The following P4HTM variants were observed in gnomAD, a reference collection of about 807,000 sequenced individuals.
The protein encoded by P4HTM is prolyl 4-hydroxylase, transmembrane, also known as transmembrane prolyl 4-hydroxylase.
In P4HTM, 33 loss-of-function variants were observed where a neutral mutation model predicts 55.3. The observed-to-expected ratio is 0.60, with a 90% CI of 0.45 to 0.80. The LOEUF is 0.80. Among genes scored for constraint, P4HTM ranks in the 30% least tolerant of loss-of-function variants. P4HTM has a pLI of 0.00. For missense variants in P4HTM, 542 were observed against 696.5 expected (o/e 0.78, Z 2.50); for synonymous variants, 272 against 286.4 (o/e 0.95, Z 0.51).
rs374563891 is a variant in P4HTM at position 49,006,082 on chromosome 3, G to A, written c.1183G>A (p.Val395Met). The change falls in exon 8 of 9, where the codon GTG (valine) becomes ATG (methionine). Residue 395 changes from valine (V) to methionine (M), a missense_variant. Coordinates refer to ENST00000383729, the MANE Select transcript of P4HTM (RefSeq NM_177939.3). ...CCCACAGAGTCTGATTCAGGATGAC[G>A]TGGACCTCCGTGACACACGGAGGCA... ...YDEMSLIQDDVDLRDTRRHCD... is the reference protein window; with the variant it reads ...YDEMSLIQDDMDLRDTRRHCD... 11 of 1,612,576 alleles carry A rather than the reference G, an allele frequency of 6.8e-6. No homozygotes were observed. The highest frequency in any genetic ancestry group is 9.3e-6 in the Non-Finnish European group (11 of 1,179,716).
chr3:48,993,108 C>T (rs887284352), intron 2 of P4HTM, among the ~76,000 whole-genome samples: 2 of 151,926 alleles, frequency 1.3e-5, no homozygotes, highest in Non-Finnish European at 2.9e-5. Context: ...TGTTCGGGAC[C>T]AGCCTGACCA....
intron 3 of P4HTM, 131 bp downstream of exon 3, chr3:49,001,759 C>T (rs2092961925): frequency 1.3e-6 from 1 of 774,070 alleles, no homozygotes; most frequent in Non-Finnish European, 2.0e-6. Flanking sequence ...CTGGGCATGC[C>T]CAGACCCAGG....
rs750288844 is a variant in P4HTM, at chr3:48,990,524, A to C, written c.268A>C (p.Ser90Arg). ...LFVHYSNGDESSDPGPQHRAQ... is the reference protein window; with the variant it reads ...LFVHYSNGDERSDPGPQHRAQ... ...CGTGCACTACAGCAACGGCGACGAA[A>C]GCAGCGATCCCGGGCCCCAACACCG... The change falls in exon 1 of 9, where the codon AGC becomes CGC. Residue 90 changes from serine (S) to arginine (R), a missense_variant. Around this residue, in one of 2 missense-constraint regions of P4HTM, gnomAD observed 536 missense variants for 672.1 expected, o/e 0.80. Transcript: ENST00000383729. The surrounding 1 kb of genome is among the most constrained non-coding windows in gnomAD (Gnocchi z 7.2). 6.2e-7 allele frequency: 1 copy of C among 1,611,132 alleles called. No homozygotes were observed. Among genetic ancestry groups the C allele is most frequent in the Non-Finnish European group, 8.5e-7 (1 of 1,179,392 alleles).
At chr3:49,004,659 C>A in intron 5 of P4HTM, 1 of 605,354 alleles carries the variant, frequency 1.7e-6, no homozygotes, top group South Asian at 2.0e-5. Context: ...GCAGGTGTCT[C>A]TGTCTTTGGC....
rs1415141063 is a variant in P4HTM at position 49,007,022 on chromosome 3, C to G, written c.*115C>G. The G allele has an allele frequency of 1.2e-6, 1 of 850,298 alleles. No individual in the cohort carries two copies. Among genetic ancestry groups the G allele is most frequent in the Non-Finnish European group, 1.8e-6 (1 of 547,136 alleles). 52.7% of individuals were successfully genotyped at this position (850,298 alleles called of 1,614,324 possible). ...GGTCTGGCCAATGTCTTGCCCCACC[C>G]CGCCAGCCGCGATACGGCGCAGTTC... On this transcript the variant is annotated 3_prime_UTR_variant, in exon 9 of 9. Coordinates refer to ENST00000383729, the MANE Select transcript of P4HTM (RefSeq NM_177939.3). The surrounding 1 kb of genome is among the most constrained non-coding windows in gnomAD (Gnocchi z 5.1).
intron 6 of P4HTM, chr3:49,005,408 T>C: frequency 7.1e-7 from 1 of 1,401,704 alleles, no homozygotes; most frequent in Middle Eastern, 2.5e-4. Context: ...CCCTCCCCTG[T>C]CAAGCCAGTT....
At chr3:49,006,326 C>T (rs539398559) in intron 8 of P4HTM, 139 bp downstream of exon 8, 2 of 908,564 alleles carry the variant, frequency 2.2e-6, no homozygotes, top group Admixed American at 2.4e-5. Flanking sequence ...CAAAGGCCAT[C>T]CTTAGTGACT....
Position 48,990,938 on chromosome 3 carries a change from G to A in P4HTM, c.436+24G>A. The A allele has an allele frequency of 6.3e-7, 1 of 1,597,774 alleles. No homozygotes were observed. Among genetic ancestry groups the A allele is most frequent in the South Asian group, 1.1e-5 (1 of 90,450 alleles). On this transcript the variant is annotated intron_variant, in intron 2 of 8. Coordinates refer to ENST00000383729, the MANE Select transcript of P4HTM (RefSeq NM_177939.3). The surrounding 1 kb of genome is among the most constrained non-coding windows in gnomAD (Gnocchi z 7.2). ...CGGTAAGTCCGCCAGATACTCCTGG[G>A]AAGGGCCAGGGGCTGCGGTTTGGTG...
At chr3:48,996,839 T>C (rs2092947366) in intron 2 of P4HTM, among the ~76,000 whole-genome samples, 1 of 152,136 alleles carries the variant, frequency 6.6e-6, no homozygotes, top group African/African-American at 2.4e-5. Context: ...CAAGGCTATG[T>C]GCCTGCCCGG....
Position 49,004,659 on chromosome 3 carries a change from C to G in P4HTM, c.888-202C>G, listed in dbSNP as rs2092971177. ...CAACATTTCCACATAGCAGGTGTCT[C>G]TGTCTTTGGCATCTGAGGGAGAAGG... is the stretch of plus-strand genomic sequence containing the variant. On this transcript the variant is annotated intron_variant, in intron 5 of 8. Coordinates refer to ENST00000383729, the MANE Select transcript of P4HTM (RefSeq NM_177939.3). 3.3e-5 allele frequency: 20 copies of G among 605,236 alleles called. No individual in the cohort carries two copies. The South Asian group carries it at 4.0e-4, about 12-fold the overall frequency. The allele number at this position is 605,236 out of a possible 1,614,324, so 37.5% of individuals were successfully genotyped here.
In P4HTM at chr3:48,992,829, C is replaced by A. The variant is rs2092934720; in HGVS notation, c.436+1915C>A. 3.3e-5 allele frequency among the ~76,000 whole-genome samples: 5 copies of A among 151,364 alleles called. No homozygotes were observed. In the South Asian group the frequency reaches 6.2e-4, roughly 19 times the overall value. On this transcript the variant is annotated intron_variant, in intron 2 of 8. Transcript: ENST00000383729. ...TACAGGCATGCGCCACCACATCCGGCTAATTTTTTGCATTTTTAGTAGAGA... is the reference window on the plus strand; with the variant it reads ...TACAGGCATGCGCCACCACATCCGGATAATTTTTTGCATTTTTAGTAGAGA...
intron 2 of P4HTM, among the ~76,000 whole-genome samples, chr3:48,998,809 A>G (rs964313677): frequency 6.6e-6 from 1 of 152,176 alleles, no homozygotes; most frequent in African/African-American, 2.4e-5. Context: ...GGGAGAAACC[A>G]TTGTTCACAG....
rs891265446 is a variant in P4HTM at position 48,999,105 on chromosome 3, G to A, written c.437-2333G>A. On this transcript the variant is annotated intron_variant, in intron 2 of 8. Transcript: ENST00000383729. This position sits in a 1 kb window ranked among gnomAD's most constrained non-coding sequence, Gnocchi z 4.8. ...TCTGTCTGGAACACTCTAACAAAACGATCCATTTTCCTCTCTGTGCCTGTC... is the reference window on the plus strand; with the variant it reads ...TCTGTCTGGAACACTCTAACAAAACAATCCATTTTCCTCTCTGTGCCTGTC... 15 of 152,178 alleles carry A rather than the reference G, an allele frequency of 9.9e-5. No individual in the cohort carries two copies. Among genetic ancestry groups the A allele is most frequent in the African/African-American group, 3.6e-4 (15 of 41,402 alleles). 9.4% of individuals were successfully genotyped at this position (152,178 alleles called of 1,614,324 possible).
chr3:49,005,181 C>A (rs762653986), intron 6 of P4HTM, 135 bp downstream of exon 6: 5 of 1,592,454 alleles, frequency 3.1e-6, no homozygotes, highest in Admixed American at 3.4e-5. Flanking sequence ...GTTAGTGATG[C>A]CCTCACCTCT....
intron 7 of P4HTM, 58 bp downstream of exon 7, chr3:49,005,925 T>A (rs1239649401): frequency 2.0e-6 from 3 of 1,532,896 alleles, no homozygotes; most frequent in Non-Finnish European, 1.8e-6. Flanking sequence ...ACAAGTGAAG[T>A]ACACACCTCT....
Position 48,990,923 on chromosome 3 carries a change from G to T in P4HTM, c.436+9G>T, listed in dbSNP as rs753523250. The T allele has an allele frequency of 1.3e-5, 21 of 1,610,606 alleles. No individual in the cohort carries two copies. Among genetic ancestry groups the T allele is most frequent in the Middle Eastern group, 1.6e-4 (1 of 6,078 alleles). ...CAAGCCGCTGCTCTTCGGTAAGTCCGCCAGATACTCCTGGGAAGGGCCAGG... is the reference window on the plus strand; with the variant it reads ...CAAGCCGCTGCTCTTCGGTAAGTCCTCCAGATACTCCTGGGAAGGGCCAGG... On this transcript the variant is annotated intron_variant, in intron 2 of 8. Transcript: ENST00000383729. The surrounding 1 kb of genome is among the most constrained non-coding windows in gnomAD (Gnocchi z 7.2).
intron 2 of P4HTM, among the ~76,000 whole-genome samples, chr3:48,994,193 GTCTGCTA>G (rs1293104686): frequency 6.6e-6 from 1 of 152,190 alleles, no homozygotes; most frequent in African/African-American, 2.4e-5. Context: ...CTGTCCATTG[GTCTGCTA>G]CCCAGTTATT....
In P4HTM at chr3:49,002,507, C is replaced by T; in HGVS notation, c.635C>T (p.Ala212Val). Residue 212 changes from alanine (A) to valine (V), a missense_variant, in exon 4 of 9, where the codon GCC becomes GTC. Around this residue, in one of 2 missense-constraint regions of P4HTM, gnomAD observed 536 missense variants for 672.1 expected, o/e 0.80. Transcript: ENST00000383729. This position sits in a 1 kb window ranked among gnomAD's most constrained non-coding sequence, Gnocchi z 4.4. ...DGHLQLREVLAQTRLGNGWWM... is the reference protein window; with the variant it reads ...DGHLQLREVLVQTRLGNGWWM... The stretch of plus-strand genomic sequence containing the variant: ...GACCCTCTTATGCTTTAGGTTCTGG[C>T]CCAGACTCGCCTGGGAAATGGATGG... The T allele has an allele frequency of 6.2e-7, 1 of 1,613,556 alleles. No individual in the cohort carries two copies. The highest frequency in any genetic ancestry group is 1.7e-4 in the Middle Eastern group (1 of 6,058).
chr3:49,000,325 G>A (rs1317083639), intron 2 of P4HTM, among the ~76,000 whole-genome samples: 1 of 152,144 alleles, frequency 6.6e-6, no homozygotes, highest in African/African-American at 2.4e-5. Context: ...CGAGGTGGAA[G>A]GATAGCTTGA....
Sources: gnomAD v4.1 joint callset for allele counts (sites outside exome capture counted in the v4.1 genomes callset) on GRCh38, gnomAD v4.1.1 for gene constraint, gnomAD v4.1.1 regional missense constraint, Gnocchi (gnomAD v3.1) non-coding constraint, MANE v1.5 for transcripts, NCBI Gene and HGNC (gene_info 2026-07-23, HGNC 2026-07-21) for gene names.